Variants in NSD2 observed in about 807,000 individuals in gnomAD.
NSD2 encodes nuclear receptor binding SET domain protein 2.
Under a neutral mutation model 139.0 loss-of-function variants are expected in NSD2, and 12 were observed. The observed-to-expected ratio is 0.09, with a 90% CI of 0.06 to 0.14. The LOEUF (loss-of-function observed/expected upper bound fraction) is 0.14, where lower values mean the gene tolerates loss of function less well. Ranked by LOEUF, NSD2 falls within the 10% of genes least tolerant of loss-of-function variation. The pLI, the probability that NSD2 is intolerant of heterozygous loss-of-function variation, is 1.00. For synonymous variants in NSD2, 669 were observed against 648.7 expected (o/e 1.03, Z -0.48); for missense variants, 1,155 against 1,745.0 (o/e 0.66, Z 6.02).
rs1726769223 is a variant in NSD2 at position 1,973,865 on chromosome 4, G to A, written c.3373-998G>A. Among the ~76,000 whole-genome samples the A allele has an allele frequency of 6.6e-6, 1 of 152,364 alleles. No individual in the cohort carries two copies. Among genetic ancestry groups the A allele is most frequent in the South Asian group, 2.1e-4 (1 of 4,834 alleles). ...TTTCTCCCCACGCGGTTGTGCGGTG[G>A]ATCTGGCGGCTCCTCAGGTGGAGGC... On this transcript the variant is annotated intron_variant, in intron 18 of 21. Coordinates refer to ENST00000508803, the MANE Select transcript of NSD2 (RefSeq NM_001042424.3). The surrounding 1 kb of genome is among the most constrained non-coding windows in gnomAD (Gnocchi z 5.5).
intron 8 of NSD2, chr4:1,939,198 C>T (rs1722810089): frequency 6.4e-6 from 1 of 156,524 alleles, no homozygotes; most frequent in South Asian, 1.7e-4. Context: ...GTTAAACAGA[C>T]TTTAAAAAAA....
chr4:1,907,023 T>A (rs1169932953), intron 3 of NSD2, among the ~76,000 whole-genome samples: 1 of 152,146 alleles, frequency 6.6e-6, no homozygotes, highest in African/African-American at 2.4e-5. Context: ...TTCACTCTTG[T>A]GCTTATGGCA....
chr4:1,905,101 G>A (rs138243714), intron 3 of NSD2, among the ~76,000 whole-genome samples: 2 of 152,172 alleles, frequency 1.3e-5, no homozygotes, highest in East Asian at 3.9e-4. Flanking sequence ...TTGCACTCTA[G>A]TCTGGGCAAC....
intron 9 of NSD2, chr4:1,944,868 C>T: frequency 9.4e-7 from 1 of 1,063,202 alleles, no homozygotes; most frequent in Non-Finnish European, 1.1e-6. Flanking sequence ...CATCTCAGTG[C>T]TGTCTTGAGT....
chr4:1,975,542 T>C, intron 20 of NSD2, 142 bp downstream of exon 20: 1 of 673,586 alleles, frequency 1.5e-6, no homozygotes, highest in Non-Finnish European at 2.6e-6. Context: ...TGCTGTGGGC[T>C]GGGGAGGATG....
chr4:1,975,473 C>T (rs1294512996), intron 20 of NSD2, 73 bp downstream of exon 20: 17 of 1,360,988 alleles, frequency 1.2e-5, no homozygotes, highest in East Asian at 2.3e-5. Context: ...CTGTGTCCCC[C>T]GTGAACAGCG....
At chr4:1,943,876 G>A in intron 9 of NSD2, 1 of 1,063,524 alleles carries the variant, frequency 9.4e-7, no homozygotes, top group African/African-American at 1.6e-5. Context: ...ACAGCATGAT[G>A]AATTTTGCAT....
At chr4:1,952,390 T>C (rs1724364221) in intron 11 of NSD2, among the ~76,000 whole-genome samples, 159 bp downstream of exon 11, 1 of 152,042 alleles carries the variant, frequency 6.6e-6, no homozygotes, top group Non-Finnish European at 1.5e-5. Flanking sequence ...AGCTGGCAGG[T>C]GTACCCACCT....
chr4:1,883,968 A>G (rs550380324), intron 1 of NSD2, among the ~76,000 whole-genome samples: 1 of 152,376 alleles, frequency 6.6e-6, no homozygotes, highest in South Asian at 2.1e-4. Context: ...TGTTTAACTT[A>G]AGACAACTTA....
At chr4:1,978,013 G>T (rs1464676280) in intron 21 of NSD2, among the ~76,000 whole-genome samples, 3 of 151,486 alleles carry the variant, frequency 2.0e-5, no homozygotes, top group Non-Finnish European at 4.4e-5. Flanking sequence ...TGTAATCCTG[G>T]CTACTCGGAA....
rs1168214247 is a variant in NSD2, at chr4:1,959,731, C to T, written c.3246C>T (p.Asp1082=). 6 of 1,613,708 alleles carry T rather than the reference C, an allele frequency of 3.7e-6. No homozygotes were observed. The highest frequency in any genetic ancestry group is 5.1e-6 in the Non-Finnish European group (6 of 1,179,772). The change falls in exon 17 of 22, where the codon GAC becomes GAT. Residue 1082 remains aspartate, a synonymous_variant. Transcript: ENST00000508803. ...GKGWGLVAKR[D]IRKGEFVNEY... is the part of the protein sequence containing the mutation. ...GGTGGGGCCTGGTCGCCAAGAGGGA[C>T]ATCAGAAAGGTATGTGTCGTTATCC...
At chr4:1,896,740 C>T (rs959039135) in intron 1 of NSD2, among the ~76,000 whole-genome samples, 1 of 148,512 alleles carries the variant, frequency 6.7e-6, no homozygotes, top group African/African-American at 2.5e-5. Context: ...TCCCTTCTCT[C>T]TTTCTCTTTC....
In NSD2 at chr4:1,978,233, G is replaced by A. The variant is rs17132108; in HGVS notation, c.3827-405G>A. On this transcript the variant is annotated intron_variant, in intron 21 of 21. Coordinates refer to ENST00000508803, the MANE Select transcript of NSD2 (RefSeq NM_001042424.3). ...TGGGTGCGAGAGGGTGGTCCCTAAC[G>A]TGACAGAGCTTTTACAGAGTCATGC... Among the ~76,000 whole-genome samples the A allele has an allele frequency of 9.2e-5, 14 of 152,162 alleles. 1 individual carries two copies. The East Asian group carries it at 2.7e-3, about 29-fold the overall frequency.
chr4:1,939,695 C>T lies in NSD2; in HGVS notation c.1798C>T (p.Arg600Ter). Residue 600 changes from arginine to a stop codon, truncating the protein, a stop_gained, in exon 9 of 22, where the codon CGA (arginine) becomes TGA (stop). Transcript: ENST00000508803. LOFTEE classifies it high-confidence loss of function. ...LSDACKPLKK[R>*]NRASTAASSA... ...TGATGCATGTAAACCACTGAAGAAG[C>T]GAAATCGGGCTTCCACGGCAGCATC... 1 of 1,614,176 alleles carries T rather than the reference C, an allele frequency of 6.2e-7. No individual in the cohort carries two copies. Among genetic ancestry groups the T allele is most frequent in the Non-Finnish European group, 8.5e-7 (1 of 1,180,028 alleles).
In NSD2 at chr4:1,872,635, A is replaced by C. The variant is rs373093849; in HGVS notation, c.-30+1093A>C. Among the ~76,000 whole-genome samples the C allele has an allele frequency of 2.8e-3, 336 of 120,184 alleles. 2 individuals are homozygous for C. The highest frequency in any genetic ancestry group is 5.6e-3 in the Admixed American group (59 of 10,616). The allele number at this position is 120,184 out of a possible 152,430, so 78.8% of individuals were successfully genotyped here. ...GAGAGAGAGAGAGAGAGAGAGAGAG[A>C]GCGCGCAGACCCTGTGAAGACAAGA... On this transcript the variant is annotated intron_variant, in intron 1 of 21. Coordinates refer to ENST00000508803, the MANE Select transcript of NSD2 (RefSeq NM_001042424.3).
At chr4:1,931,297 A>C (rs1721604597) in intron 6 of NSD2, among the ~76,000 whole-genome samples, 1 of 152,172 alleles carries the variant, frequency 6.6e-6, no homozygotes. Context: ...GACTGGACTG[A>C]CCTTGAATTC....
At chr4:1,906,576 G>C (rs932265245) in intron 3 of NSD2, among the ~76,000 whole-genome samples, 2 of 151,066 alleles carry the variant, frequency 1.3e-5, no homozygotes, top group Non-Finnish European at 2.9e-5. Context: ...CCCTGCCTTG[G>C]AGTTAAGTAA....
intron 18 of NSD2, among the ~76,000 whole-genome samples, chr4:1,968,207 G>T (rs1018594948): frequency 3.3e-5 from 5 of 152,198 alleles, no homozygotes; most frequent in Non-Finnish European, 4.4e-5. Context: ...GAAGAACATT[G>T]AATGTCAGAA....
chr4:1,872,591 T>TGTGTGAGAGAGAGAGAGA (rs1281608141), intron 1 of NSD2, among the ~76,000 whole-genome samples: 33 of 44,876 alleles, frequency 7.4e-4, no homozygotes, highest in East Asian at 1.3e-3. Flanking sequence ...TGTGTGTGTG[T>TGTGTGAGAGAGAGAGAGA]GAGAGAGAGA....
Sources: gnomAD v4.1 joint callset for allele counts (sites outside exome capture counted in the v4.1 genomes callset) on GRCh38, gnomAD v4.1.1 for gene constraint, Gnocchi (gnomAD v3.1) non-coding constraint, MANE v1.5 for transcripts, NCBI Gene and HGNC (gene_info 2026-07-23, HGNC 2026-07-21) for gene names.